QPCTL: variants seen among roughly 807,000 people sequenced by gnomAD.
QPCTL encodes glutaminyl-peptide cyclotransferase-like protein.
Under a neutral mutation model 34.6 loss-of-function variants are expected in QPCTL, and 31 were observed. The ratio of observed to expected loss-of-function variants is 0.90; its 90% CI spans 0.67 to 1.21. The LOEUF (loss-of-function observed/expected upper bound fraction) is 1.21. Ranked by LOEUF, QPCTL falls within the 50% of genes most tolerant of loss-of-function variation. The pLI is 0.00. For synonymous variants in QPCTL, 223 were observed against 226.9 expected (o/e 0.98, Z 0.15); for missense variants, 474 against 507.8 (o/e 0.93, Z 0.64).
Position 45,695,455 on chromosome 19 carries a change from C to A in QPCTL, c.370C>A (p.Arg124=), listed in dbSNP as rs1486672846. 11 of 1,612,536 alleles carry A rather than the reference C, an allele frequency of 6.8e-6. No individual in the cohort carries two copies. Among genetic ancestry groups the A allele is most frequent in the Non-Finnish European group, 7.6e-6 (9 of 1,178,886 alleles). The part of the protein sequence containing the change: ...QVRKFLEATL[R]SLTAGWHVEL... ...CCGCTAGTTCCTGGAGGCCACGCTG[C>A]GGTCCCTGACAGCAGGTTGGCACGT... The change falls in exon 3 of 7, where the codon CGG becomes AGG. Residue 124 remains arginine (R), a synonymous_variant. Coordinates refer to ENST00000012049, the MANE Select transcript of QPCTL (RefSeq NM_017659.4).
chr19:45,701,126 AC>A (rs1967804050), intron 5 of QPCTL, among the ~76,000 whole-genome samples: 1 of 151,826 alleles, frequency 6.6e-6, no homozygotes, highest in Non-Finnish European at 1.5e-5. Flanking sequence ...ACACACACAC[AC>A]ACACACAATT....
chr19:45,698,377 A>T, intron 3 of QPCTL, 170 bp from the exon 4 acceptor site: 1 of 782,156 alleles, frequency 1.3e-6, no homozygotes, highest in Non-Finnish European at 2.0e-6. Context: ...CCAAGTACGG[A>T]TTTGATCCCA....
At chr19:45,702,103 C>T (rs556682252) in intron 6 of QPCTL, among the ~76,000 whole-genome samples, 189 bp downstream of exon 6, 4 of 152,192 alleles carry the variant, frequency 2.6e-5, no homozygotes, top group East Asian at 3.9e-4. Flanking sequence ...ATTGAACATG[C>T]TAACACCGGT....
chr19:45,700,693 G>T (rs1262483069), intron 5 of QPCTL, among the ~76,000 whole-genome samples: 1 of 152,112 alleles, frequency 6.6e-6, no homozygotes, highest in Non-Finnish European at 1.5e-5. Context: ...GGGCCTGGTG[G>T]CTCATGCCTG....
intron 5 of QPCTL, among the ~76,000 whole-genome samples, chr19:45,699,575 T>A (rs1427445156): frequency 2.0e-5 from 3 of 151,836 alleles, no homozygotes; most frequent in Non-Finnish European, 2.9e-5. Flanking sequence ...GGTGGATCAC[T>A]TGAGCTCAGG....
In QPCTL at chr19:45,703,457, AG is replaced by A. The variant is rs1418338827; in HGVS notation, c.*409del. ...GCCATTCTCCTGCCTCAGCCTCCCAAGTAGCTGGGACTACAGGTGCCCGCCA... is the reference window on the plus strand; with the variant it reads ...GCCATTCTCCTGCCTCAGCCTCCCAATAGCTGGGACTACAGGTGCCCGCCA... On this transcript the variant is annotated 3_prime_UTR_variant, in exon 7 of 7. Transcript: ENST00000012049. The A allele has an allele frequency of 6.4e-6, 1 of 157,122 alleles. No individual in the cohort carries two copies. The highest frequency in any genetic ancestry group is 2.4e-5 in the African/African-American group (1 of 41,538). 9.7% of individuals were successfully genotyped at this position (157,122 alleles called of 1,614,324 possible). A position where few individuals can be genotyped will look rare whatever the true frequency, so the allele number is the denominator to read the frequency against.
intron 3 of QPCTL, among the ~76,000 whole-genome samples, chr19:45,696,568 C>A (rs1302523937): frequency 2.8e-5 from 4 of 144,998 alleles, no homozygotes; most frequent in African/African-American, 1.0e-4. Context: ...CCAGCCTGGG[C>A]AACAGAGCGA....
Position 45,695,647 on chromosome 19 carries a change from G to C in QPCTL, c.562G>C (p.Ala188Pro), listed in dbSNP as rs142987979. The change falls in exon 3 of 7, where the codon GCT becomes CCT. Residue 188 changes from alanine (A) to proline (P), a missense_variant. Coordinates refer to ENST00000012049, the MANE Select transcript of QPCTL (RefSeq NM_017659.4). ...STPFVGATDS[A>P]VPCALLLELA... Reference sequence around the variant, plus strand: ...CCCCTTTGTAGGGGCCACGGATTCGGCTGTGCCCTGTGCCCTGCTGCTGGA... The same window carrying C: ...CCCCTTTGTAGGGGCCACGGATTCGCCTGTGCCCTGTGCCCTGCTGCTGGA... 1 of 1,613,758 alleles carries C rather than the reference G, an allele frequency of 6.2e-7. No homozygotes were observed. The highest frequency in any genetic ancestry group is 1.7e-5 in the Admixed American group (1 of 59,974).
intron 5 of QPCTL, 121 bp from the exon 6 acceptor site, chr19:45,701,677 T>C (rs1350263616): frequency 2.8e-6 from 2 of 702,978 alleles, no homozygotes; most frequent in Non-Finnish European, 4.9e-6. Context: ...TAACTGGCAT[T>C]CACTCTTGTT....
Position 45,695,727 on chromosome 19 carries a change from C to T in QPCTL, c.633+9C>T. The T allele has an allele frequency of 6.3e-7, 1 of 1,593,484 alleles. No individual in the cohort carries two copies. On this transcript the variant is annotated intron_variant, in intron 3 of 6. Transcript: ENST00000012049. Reference sequence around the variant, plus strand: ...GCAGGGCCAAAAAACAGGTGAGGAGCAGGAGTCGGGGAGGGTAGTGGGCTA... The same window carrying T: ...GCAGGGCCAAAAAACAGGTGAGGAGTAGGAGTCGGGGAGGGTAGTGGGCTA...
In QPCTL at chr19:45,693,418, A is replaced by T. The variant is rs1204680559; in HGVS notation, c.213A>T (p.Pro71=). ...ELPLGRELRV[P]LIGSLPEARL... is the part of the protein sequence containing the mutation. Reference sequence around the variant, plus strand: ...TATCCCACCTCCTTCCCAAGGTCCCATTGATCGGAAGCCTCCCCGAAGCCC... The same window carrying T: ...TATCCCACCTCCTTCCCAAGGTCCCTTTGATCGGAAGCCTCCCCGAAGCCC... The change falls in exon 2 of 7, where the codon CCA becomes CCT. Residue 71 remains proline (P), a synonymous_variant. Transcript: ENST00000012049. 3 of 1,610,552 alleles carry T rather than the reference A, an allele frequency of 1.9e-6. No homozygotes were observed. In the Admixed American group the frequency reaches 5.0e-5, roughly 27 times the overall value.
chr19:45,698,316 G>T (rs1967739675), intron 3 of QPCTL, among the ~76,000 whole-genome samples: 1 of 151,942 alleles, frequency 6.6e-6, no homozygotes, highest in African/African-American at 2.4e-5. Context: ...TGAAGAAACT[G>T]ATCCTTCCAG....
intron 5 of QPCTL, 132 bp downstream of exon 5, chr19:45,699,032 T>C (rs1230436717): frequency 7.0e-5 from 6 of 85,864 alleles, no homozygotes; most frequent in Non-Finnish European, 1.2e-4. Flanking sequence ...AGACCCCATC[T>C]TTTTTTTTTT....
Position 45,703,307 on chromosome 19 carries a change from T to G in QPCTL, c.*258T>G, listed in dbSNP as rs1471226037. 1 of 486,148 alleles carries G rather than the reference T, an allele frequency of 2.1e-6. No homozygotes were observed. The highest frequency in any genetic ancestry group is 3.7e-6 in the Non-Finnish European group (1 of 267,610). 30.1% of individuals were successfully genotyped at this position (486,148 alleles called of 1,614,324 possible). A position where few individuals can be genotyped will look rare whatever the true frequency, so the allele number is the denominator to read the frequency against. On this transcript the variant is annotated 3_prime_UTR_variant, in exon 7 of 7. Transcript: ENST00000012049. ...TCCCTCCCCAGAGGTAAACACTTGG[T>G]CCAAAGGTTTGCAGGGACCAAATAC...
rs1440011752 is a variant in QPCTL at position 45,698,901 on chromosome 19, G to A, written c.886+1G>A. On this transcript the variant is annotated splice_donor_variant, in intron 5 of 6. Transcript: ENST00000012049. LOFTEE classifies it high-confidence loss of function. ...TGGTTCCATCGGCTGAGGAGCATTG[G>A]TAAGGGTGAATGCGGAGGTGGGCCC... 6.2e-7 allele frequency: 1 copy of A among 1,613,462 alleles called. No individual in the cohort carries two copies.
intron 3 of QPCTL, among the ~76,000 whole-genome samples, chr19:45,697,194 A>G (rs935733491): frequency 2.9e-4 from 44 of 152,060 alleles, no homozygotes; most frequent in Non-Finnish European, 7.4e-5. Flanking sequence ...TGGGAGGCCA[A>G]GGCAGGTGGA....
Position 45,703,130 on chromosome 19 carries a change from CT to C in QPCTL, c.*82del. 1.3e-6 allele frequency: 2 copies of C among 1,541,818 alleles called. No homozygotes were observed. Among genetic ancestry groups the C allele is most frequent in the South Asian group, 2.3e-5 (2 of 87,168 alleles). ...CCAGTGAAGCTCAGGCAGGATCTGC[CT>C]AGGGTGTGCTGGTTTGTCCTTTTCA... On this transcript the variant is annotated 3_prime_UTR_variant, in exon 7 of 7. Coordinates refer to ENST00000012049, the MANE Select transcript of QPCTL (RefSeq NM_017659.4).
In QPCTL at chr19:45,695,417, C is replaced by T; in HGVS notation, c.352-20C>T. Reference sequence around the variant, plus strand: ...CCTCCCCAGTCCCCGTCCACCCTCCCACCTCTCTCTTGCCGCTAGTTCCTG... The same window carrying T: ...CCTCCCCAGTCCCCGTCCACCCTCCTACCTCTCTCTTGCCGCTAGTTCCTG... On this transcript the variant is annotated intron_variant, in intron 2 of 6. Transcript: ENST00000012049. 1 of 1,600,094 alleles carries T rather than the reference C, an allele frequency of 6.2e-7. No homozygotes were observed. The highest frequency in any genetic ancestry group is 2.2e-5 in the East Asian group (1 of 44,700).
intron 1 of QPCTL, 43 bp downstream of exon 1, chr19:45,692,953 C>A (rs1967603626): frequency 6.6e-7 from 1 of 1,509,062 alleles, no homozygotes; most frequent in African/African-American, 1.4e-5. Flanking sequence ...GACCCTCATT[C>A]CCTCCCCGCT....
Sources: allele counts gnomAD v4.1 joint callset (sites outside exome capture counted in the v4.1 genomes callset), GRCh38; gene constraint gnomAD v4.1.1; transcripts MANE v1.5; gene names NCBI Gene and HGNC (gene_info 2026-07-23, HGNC 2026-07-21).